The following ZNF230 variants were observed in gnomAD, a reference collection of about 807,000 sequenced individuals.
ZNF230 encodes the protein zinc finger protein FDZF2.
A neutral mutation model predicts 10.0 loss-of-function variants in ZNF230; 12 were observed. The ratio of observed to expected loss-of-function variants is 1.20; its 90% CI spans 0.77 to 1.95. The LOEUF (loss-of-function observed/expected upper bound fraction) is 1.95, where lower values mean the gene tolerates loss of function less well. Among genes scored for constraint, ZNF230 ranks in the 30% most tolerant of loss-of-function variants. The pLI, the probability that ZNF230 is intolerant of heterozygous loss-of-function variation, is 0.00. For missense variants in ZNF230, 532 were observed against 565.8 expected (o/e 0.94, Z 0.61); for synonymous variants, 174 against 193.6 (o/e 0.90, Z 0.84).
chr19:44,009,291 C>A, intron 4 of ZNF230, 121 bp downstream of exon 4: 1 of 1,112,448 alleles, frequency 9.0e-7, no homozygotes, highest in Non-Finnish European at 1.3e-6. Context: ...TGGTTTATTA[C>A]AACCCCTTTC....
intron 2 of ZNF230, among the ~76,000 whole-genome samples, chr19:44,007,542 G>C (rs1197676606): frequency 6.6e-6 from 1 of 152,032 alleles, no homozygotes; most frequent in African/African-American, 2.4e-5. Context: ...GCGCATGTTG[G>C]CTCCATTTCT....
chr19:44,012,628 A>C lies in ZNF230; in HGVS notation c.*1164A>C, dbSNP rs1227070949. The C allele has an allele frequency of 7.8e-6, 3 of 383,170 alleles. No individual in the cohort carries two copies. The highest frequency in any genetic ancestry group is 6.3e-5 in the African/African-American group (3 of 47,656). The allele number at this position is 383,170 out of a possible 1,614,324, so 23.7% of individuals were successfully genotyped here. On this transcript the variant is annotated 3_prime_UTR_variant, in exon 5 of 5. Transcript: ENST00000429154. ...GATGAACATGTCAAAAGTGGTGACC[A>C]CTAGAATGTCAACTACAGGTACCTT...
At chr19:44,008,424 TGAGA>T (rs1024611418) in intron 2 of ZNF230, among the ~76,000 whole-genome samples, 5 of 152,182 alleles carry the variant, frequency 3.3e-5, no homozygotes, top group African/African-American at 1.2e-4. Flanking sequence ...GGTTTGGGTC[TGAGA>T]GAGGAGGACA....
At chr19:44,005,486 A>G (rs1322625152) in intron 1 of ZNF230, among the ~76,000 whole-genome samples, 2 of 152,234 alleles carry the variant, frequency 1.3e-5, no homozygotes, top group African/African-American at 4.8e-5. Context: ...ATCTGTTAAA[A>G]GACTACTAGT....
intron 1 of ZNF230, among the ~76,000 whole-genome samples, chr19:44,006,176 TA>T (rs144805598): frequency 0.026 from 3,974 of 152,292 alleles, 145 homozygotes; most frequent in African/African-American, 0.077. Flanking sequence ...GTTTCCTCTT[TA>T]TTGCAACATA....
rs750866655 is a variant in ZNF230 at position 44,010,454 on chromosome 19, C to T, written c.415C>T (p.Pro139Ser). Residue 139 changes from proline (P) to serine (S), a missense_variant, in exon 5 of 5, where the codon CCT becomes TCT. Coordinates refer to ENST00000429154, the MANE Select transcript of ZNF230 (RefSeq NM_006300.4). ...ATCTATAATTCATACAGGACAGAAACCTTCACAGAATGGGAAGTGTAAACA... is the reference window on the plus strand; with the variant it reads ...ATCTATAATTCATACAGGACAGAAATCTTCACAGAATGGGAAGTGTAAACA... ...GLSIIHTGQK[P>S]SQNGKCKQSF... 6.2e-7 allele frequency: 1 copy of T among 1,614,240 alleles called. No individual in the cohort carries two copies. The highest frequency in any genetic ancestry group is 8.5e-7 in the Non-Finnish European group (1 of 1,180,036).
At chr19:44,005,050 G>A (rs1231339892) in intron 1 of ZNF230, among the ~76,000 whole-genome samples, 1 of 151,322 alleles carries the variant, frequency 6.6e-6, no homozygotes, top group Non-Finnish European at 1.5e-5. Context: ...GTGAGCCCGG[G>A]AGGCGGAGCT....
Position 44,011,711 on chromosome 19 carries a change from C to A in ZNF230, c.*247C>A. 1 of 389,660 alleles carries A rather than the reference C, an allele frequency of 2.6e-6. No individual in the cohort carries two copies. Among genetic ancestry groups the A allele is most frequent in the Non-Finnish European group, 4.6e-6 (1 of 216,674 alleles). 24.1% of individuals were successfully genotyped at this position (389,660 alleles called of 1,614,324 possible). A position where few individuals can be genotyped will look rare whatever the true frequency, so the allele number is the denominator to read the frequency against. On this transcript the variant is annotated 3_prime_UTR_variant, in exon 5 of 5. Transcript: ENST00000429154. ...TAGCAGTACTTATGTATCTTGTTAC[C>A]CAATCTTTGGCTATCTCACCTAACC...
At position 44,011,300 on chromosome 19, in the gene ZNF230, A is replaced by G; in HGVS notation, c.1261A>G (p.Lys421Glu). The change falls in exon 5 of 5, where the codon AAA becomes GAA. Residue 421 changes from lysine to glutamate, a missense_variant. Physicochemically the swap from Lys to Glu is moderately conservative, Grantham distance 56. Transcript: ENST00000429154. ...ACTCCACTGCCGGAAAAAACCCTTC[A>G]AATGTGAGGATTGTGGAAAGAGGCT... ...KKLHCRKKPF[K>E]CEDCGKRLVH... is the part of the protein sequence containing the mutation. 6.2e-7 allele frequency: 1 copy of G among 1,614,168 alleles called. No homozygotes were observed. Among genetic ancestry groups the G allele is most frequent in the Non-Finnish European group, 8.5e-7 (1 of 1,180,024 alleles).
intron 1 of ZNF230, 169 bp from the exon 2 acceptor site, chr19:44,006,842 C>T: frequency 2.5e-6 from 1 of 392,428 alleles, no homozygotes; most frequent in Non-Finnish European, 4.6e-6. Context: ...ATGGATATGC[C>T]ATGATTTTTC....
At chr19:44,008,759 G>A in intron 2 of ZNF230, 31 bp from the exon 3 acceptor site, 1 of 1,611,032 alleles carries the variant, frequency 6.2e-7, no homozygotes. Context: ...CATGGTCATA[G>A]GATTGAGGTT....
Position 44,011,191 on chromosome 19 carries a change from G to T in ZNF230, c.1152G>T (p.Arg384Ser), listed in dbSNP as rs763836176. Reference protein sequence around the residue: ...ISKSGLNLHQRVHTGERPYNC... With the variant: ...ISKSGLNLHQSVHTGERPYNC... ...AGTCAGGTCTTAACTTGCACCAGAGGGTCCATACTGGAGAGAGACCTTATA... is the reference window on the plus strand; with the variant it reads ...AGTCAGGTCTTAACTTGCACCAGAGTGTCCATACTGGAGAGAGACCTTATA... The change falls in exon 5 of 5, where the codon AGG becomes AGT. Residue 384 changes from arginine to serine, a missense_variant. By Grantham distance (110) the Arg-to-Ser change is moderately radical (BLOSUM62 -1). Coordinates refer to ENST00000429154, the MANE Select transcript of ZNF230 (RefSeq NM_006300.4). The T allele has an allele frequency of 6.2e-7, 1 of 1,613,946 alleles. No individual in the cohort carries two copies. The highest frequency in any genetic ancestry group is 2.2e-5 in the East Asian group (1 of 44,868).
At chr19:44,004,498 A>T (rs1170884196) in intron 1 of ZNF230, 1 of 151,060 alleles carries the variant, frequency 6.6e-6, no homozygotes, top group South Asian at 2.1e-4. Context: ...TTGGGAGGCC[A>T]AGGCAGGTGG....
intron 4 of ZNF230, among the ~76,000 whole-genome samples, chr19:44,009,653 A>G (rs1039567714): frequency 6.6e-6 from 1 of 152,226 alleles, no homozygotes; most frequent in African/African-American, 2.4e-5. Context: ...TCTTTCTGAC[A>G]TGGGGAGGAC....
At chr19:44,009,276 T>G in intron 4 of ZNF230, 106 bp downstream of exon 4, 14 of 1,256,830 alleles carry the variant, frequency 1.1e-5, no homozygotes, top group Non-Finnish European at 1.6e-5. Context: ...GCCCAATCTC[T>G]TTCCTGGTTT....
At chr19:44,004,274 G>A (rs1029224582) in intron 1 of ZNF230, 1 of 152,242 alleles carries the variant, frequency 6.6e-6, no homozygotes, top group African/African-American at 2.4e-5. Context: ...ATGTATCCAA[G>A]ATGTAAAGGT....
At position 44,009,352 on chromosome 19, in the gene ZNF230, G is replaced by A. The variant is rs10421778; in HGVS notation, c.229+182G>A. ...TCCACCCTGACATCTATTTTCCCCC[G>A]AGCAGCCAAAATGATCCTTGGGAAA... On this transcript the variant is annotated intron_variant, in intron 4 of 4. Transcript: ENST00000429154. The A allele has an allele frequency of 0.022, 14,665 of 660,168 alleles. 1,636 individuals carry two copies. The African/African-American group carries it at 0.24, about 11-fold the overall frequency. 40.9% of individuals were successfully genotyped at this position (660,168 alleles called of 1,614,324 possible).
intron 1 of ZNF230, chr19:44,004,588 C>G (rs908334080): frequency 6.6e-6 from 1 of 150,456 alleles, no homozygotes; most frequent in African/African-American, 2.4e-5. Flanking sequence ...AAATATTAGC[C>G]GGGCGTGATG....
intron 4 of ZNF230, chr19:44,009,465 G>A: frequency 2.0e-6 from 1 of 510,310 alleles, no homozygotes; most frequent in Non-Finnish European, 3.5e-6. Flanking sequence ...GGCTTTTAGA[G>A]ACCCTGAGGT....
Sources: gnomAD v4.1 joint callset for allele counts (sites outside exome capture counted in the v4.1 genomes callset) on GRCh38, gnomAD v4.1.1 for gene constraint, MANE v1.5 for transcripts, NCBI Gene and HGNC (gene_info 2026-07-23, HGNC 2026-07-21) for gene names.